KIR2DL4: variants seen among roughly 807,000 people sequenced by gnomAD.
KIR2DL4 encodes killer cell immunoglobulin like receptor, two Ig domains and long cytoplasmic tail 4, also known as killer cell immunoglobulin-like receptor 2DL4.
KIR2DL4 carries 41 observed loss-of-function variants against 31.0 expected under a neutral mutation model. That is an observed-to-expected ratio of 1.32 (90% confidence interval 1.03 to 1.72). KIR2DL4 has a LOEUF of 1.72. Among genes scored for constraint, KIR2DL4 ranks in the 40% most tolerant of loss-of-function variants. The pLI is 0.00. For missense variants in KIR2DL4, 438 were observed against 353.7 expected (o/e 1.24, Z -1.91); for synonymous variants, 164 against 133.6 (o/e 1.23, Z -1.57).
exon 4 of KIR2DL4, chr19:54,806,062 C>T: frequency 6.2e-7 from 1 of 1,611,930 alleles, no homozygotes; most frequent in Non-Finnish European, 8.5e-7. Context: ...TACCATCTAT[C>T]CAGGGAGGGG....
chr19:54,812,614 T>TTA (rs2060929040), intron 5 of KIR2DL4, among the ~76,000 whole-genome samples: 1 of 150,300 alleles, frequency 6.7e-6, no homozygotes, highest in African/African-American at 2.5e-5. Flanking sequence ...CATCTATTTC[T>TTA]GGCTGCGGCC....
Position 54,813,748 on chromosome 19 carries a change from T to C in KIR2DL4, c.*41+6T>C. 6.2e-7 allele frequency: 1 copy of C among 1,611,406 alleles called. No homozygotes were observed. The highest frequency in any genetic ancestry group is 2.2e-5 in the East Asian group (1 of 44,816). On this transcript the variant is annotated splice_donor_region_variant and intron_variant, in intron 7 of 7. Transcript: ENST00000359085. ...ACAGAACAGTGAACAGGGAGGTAGG[T>C]CCTCCTAGCCCAGCCTCATGGATAC... is the stretch of plus-strand genomic sequence containing the variant.
At chr19:54,804,042 TG>T (rs1248043798) in intron 2 of KIR2DL4, 116 bp downstream of exon 2, 11 of 952,436 alleles carry the variant, frequency 1.2e-5, no homozygotes, top group Admixed American at 3.5e-5. Context: ...TGGGAAGGCC[TG>T]GGGGGAGTCT....
In KIR2DL4 at chr19:54,813,758, C is replaced by A. The variant is rs1399451612; in HGVS notation, c.*41+16C>A. On this transcript the variant is annotated intron_variant, in intron 7 of 7. Coordinates refer to ENST00000359085, the Ensembl canonical transcript of KIR2DL4. The stretch of plus-strand genomic sequence containing the variant: ...GAACAGGGAGGTAGGTCCTCCTAGC[C>A]CAGCCTCATGGATACAGTCTTATTC... The A allele has an allele frequency of 1.9e-6, 3 of 1,611,552 alleles. No homozygotes were observed. The highest frequency in any genetic ancestry group is 2.5e-6 in the Non-Finnish European group (3 of 1,179,378).
chr19:54,814,162 G>GAAT (rs2061069754), exon 8 of KIR2DL4: 3 of 1,587,608 alleles, frequency 1.9e-6, no homozygotes, highest in Non-Finnish European at 2.6e-6. Flanking sequence ...CCACAAATCT[G>GAAT]GTGCCTGTCT....
In KIR2DL4 at chr19:54,805,898, G is replaced by A. The variant is rs1356027690; in HGVS notation, c.362-53G>A. ...GTGAGTTCTCAGCTCAGGTGGGAGG[G>A]GAGCTGTGACAAGGAAGAACCTCCC... On this transcript the variant is annotated intron_variant, in intron 3 of 7. Transcript: ENST00000359085. The A allele has an allele frequency of 1.3e-5, 19 of 1,488,116 alleles. 1 individual carries two copies. The East Asian group carries it at 1.8e-4, about 14-fold the overall frequency. The allele number at this position is 1,488,116 out of a possible 1,614,324, so 92.2% of individuals were successfully genotyped here.
rs923501394 is a variant in KIR2DL4 at position 54,806,706 on chromosome 19, G to T, written c.655+462G>T. Among the ~76,000 whole-genome samples, 638 of 150,704 alleles carry T rather than the reference G, an allele frequency of 4.2e-3. 21 individuals are homozygous for T. The highest frequency in any genetic ancestry group is 0.015 in the African/African-American group (611 of 40,746). ...TACCATTTTTAAGTGTAAAATCTAGGGATCATAAATACCTTTATATGCTGT... is the reference window on the plus strand; with the variant it reads ...TACCATTTTTAAGTGTAAAATCTAGTGATCATAAATACCTTTATATGCTGT... On this transcript the variant is annotated intron_variant, in intron 4 of 7. Coordinates refer to ENST00000359085, the Ensembl canonical transcript of KIR2DL4.
Position 54,813,750 on chromosome 19 carries a change from C to T in KIR2DL4, c.*41+8C>T. 5.6e-6 allele frequency: 9 copies of T among 1,611,550 alleles called. No individual in the cohort carries two copies. Among genetic ancestry groups the T allele is most frequent in the Non-Finnish European group, 7.6e-6 (9 of 1,179,370 alleles). ...AGAACAGTGAACAGGGAGGTAGGTC[C>T]TCCTAGCCCAGCCTCATGGATACAG... On this transcript the variant is annotated splice_region_variant and intron_variant, in intron 7 of 7. Transcript: ENST00000359085.
At chr19:54,803,721 GT>G in intron 1 of KIR2DL4, 30 bp downstream of exon 1, 1 of 1,606,760 alleles carries the variant, frequency 6.2e-7, no homozygotes, top group Non-Finnish European at 8.5e-7. Flanking sequence ...GAGCACCAGG[GT>G]TACACTATGG....
At chr19:54,813,274 G>T in intron 6 of KIR2DL4, 1 of 1,599,046 alleles carries the variant, frequency 6.3e-7, no homozygotes. Flanking sequence ...GCCCTGTGCG[G>T]AAGCAGGATG....
rs777319636 is a variant in KIR2DL4, at chr19:54,804,773, G to A, written c.77-20G>A. Reference sequence around the variant, plus strand: ...AGCTCAACATACTCCTCTCTGAGGCGGCATCTCCTTCTCCCCAAGGTGGTC... The same window carrying A: ...AGCTCAACATACTCCTCTCTGAGGCAGCATCTCCTTCTCCCCAAGGTGGTC... On this transcript the variant is annotated intron_variant, in intron 2 of 7. Transcript: ENST00000359085. 57 of 1,607,432 alleles carry A rather than the reference G, an allele frequency of 3.5e-5. No homozygotes were observed. Among genetic ancestry groups the A allele is most frequent in the Middle Eastern group, 1.7e-4 (1 of 6,034 alleles).
chr19:54,813,817 T>C lies in KIR2DL4; in HGVS notation c.*42-25T>C, dbSNP rs1445952284. 8.7e-6 allele frequency: 14 copies of C among 1,611,990 alleles called. 1 individual carries two copies. The highest frequency in any genetic ancestry group is 1.2e-5 in the Non-Finnish European group (14 of 1,179,644). ...TCCTGAAAAATGTGAACACCCTCCC[T>C]CACTCAGGATTTCCCTCTCTCCAGG... On this transcript the variant is annotated intron_variant, in intron 7 of 7. Transcript: ENST00000359085.
chr19:54,813,974 C>T lies in KIR2DL4; in HGVS notation c.*174C>T, dbSNP rs1291220329. 8 of 1,612,356 alleles carry T rather than the reference C, an allele frequency of 5.0e-6. No individual in the cohort carries two copies. In the African/African-American group the frequency reaches 6.7e-5, roughly 14 times the overall value. On this transcript the variant is annotated 3_prime_UTR_variant, in exon 8 of 8. Transcript: ENST00000359085. ...AACAGATACCAGCGTGTGTATAGAA[C>T]TTCCAAATGCTGAGCCCAGAGCGTT...
exon 6 of KIR2DL4, chr19:54,813,179 TTAC>T (rs868251493): frequency 6.5e-7 from 1 of 1,540,032 alleles, no homozygotes; most frequent in East Asian, 2.3e-5. Flanking sequence ...ATCATCCTCT[TTAC>T]CATCCTTCCC....
chr19:54,805,353 G>A (rs996968132), intron 3 of KIR2DL4, among the ~76,000 whole-genome samples: 1 of 151,286 alleles, frequency 6.6e-6, no homozygotes, highest in East Asian at 1.9e-4. Flanking sequence ...GAGATGGGGA[G>A]ATGGCCTGGA....
chr19:54,807,717 C>A (rs1220960143), intron 4 of KIR2DL4, among the ~76,000 whole-genome samples: 1 of 149,266 alleles, frequency 6.7e-6, no homozygotes, highest in Non-Finnish European at 1.5e-5. Flanking sequence ...GGATTACAAG[C>A]GTGAGACACA....
chr19:54,814,094 C>T, exon 8 of KIR2DL4: 1 of 1,611,504 alleles, frequency 6.2e-7, no homozygotes, highest in Non-Finnish European at 8.5e-7. Flanking sequence ...CTCTAATGTA[C>T]CAGCAGCTGG....
intron 5 of KIR2DL4, among the ~76,000 whole-genome samples, chr19:54,812,749 C>A (rs1421850954): frequency 6.8e-6 from 1 of 147,118 alleles, no homozygotes; most frequent in South Asian, 2.2e-4. Context: ...TAAGAATCAA[C>A]TCTCCAGGGT....
chr19:54,804,896 C>T, exon 3 of KIR2DL4: 1 of 1,612,250 alleles, frequency 6.2e-7, no homozygotes, highest in Non-Finnish European at 8.5e-7. Flanking sequence ...TTAACATCTT[C>T]ACGCTGTACA....
Sources: gnomAD v4.1 joint callset for allele counts (sites outside exome capture counted in the v4.1 genomes callset) on GRCh38, gnomAD v4.1.1 for gene constraint, MANE v1.5 for transcripts, NCBI Gene and HGNC (gene_info 2026-07-23, HGNC 2026-07-21) for gene names.